The following GPD2 variants were observed in gnomAD, a reference collection of about 807,000 sequenced individuals.
The protein encoded by GPD2 is glycerol-3-phosphate dehydrogenase, mitochondrial.
Under a neutral mutation model 82.4 loss-of-function variants are expected in GPD2, and 54 were observed. The observed-to-expected ratio is 0.66, with a 90% CI of 0.53 to 0.82. The LOEUF (loss-of-function observed/expected upper bound fraction) is 0.82. Among genes scored for constraint, GPD2 ranks in the 40% least tolerant of loss-of-function variants. The probability of loss-of-function intolerance (pLI) is 0.00; values close to 1 mark genes in which losing one functional copy is unlikely to be tolerated. For missense variants in GPD2, 748 were observed against 896.2 expected (o/e 0.83, Z 2.11); for synonymous variants, 288 against 306.1 (o/e 0.94, Z 0.62).
chr2:156,469,583 T>G (rs554632940), intron 1 of GPD2, among the ~76,000 whole-genome samples: 1 of 152,228 alleles, frequency 6.6e-6, no homozygotes, highest in Non-Finnish European at 1.5e-5. Context: ...CTACTGTGAC[T>G]AGTGCTGCAA....
chr2:156,400,847 C>G, the GPD2 span, among the ~76,000 whole-genome samples: 1 of 152,254 alleles, frequency 6.6e-6, no homozygotes, highest in East Asian at 1.9e-4. Context: ...TCCAAATCAG[C>G]CGACGTTTGC....
chr2:156,492,777 A>G (rs1293967094), intron 2 of GPD2, among the ~76,000 whole-genome samples: 1 of 152,174 alleles, frequency 6.6e-6, no homozygotes, highest in Admixed American at 6.5e-5. Context: ...GTGATTGAGC[A>G]GATATAGGAC....
chr2:156,578,635 A>T (rs993445466), intron 13 of GPD2, among the ~76,000 whole-genome samples: 14 of 152,184 alleles, frequency 9.2e-5, no homozygotes, highest in African/African-American at 3.4e-4. Context: ...GCTAGAGATC[A>T]TGGGAAGGGA....
intron 15 of GPD2, 133 bp downstream of exon 15, chr2:156,579,297 A>C (rs368853656): frequency 1.6e-6 from 1 of 632,392 alleles, no homozygotes; most frequent in Admixed American, 2.9e-5. Context: ...CATTAGTGAA[A>C]GCATATTTAT....
chr2:156,548,969 A>G (rs1686652285), intron 6 of GPD2, among the ~76,000 whole-genome samples: 1 of 152,062 alleles, frequency 6.6e-6, no homozygotes, highest in South Asian at 2.1e-4. Context: ...ATTTTTCAGC[A>G]ATAAATCTTT....
intron 1 of GPD2, among the ~76,000 whole-genome samples, chr2:156,448,320 G>A (rs1682441126): frequency 6.6e-6 from 1 of 152,080 alleles, no homozygotes; most frequent in Non-Finnish European, 1.5e-5. Flanking sequence ...ATCTTGGTCA[G>A]GCTGGTCTTG....
intron 12 of GPD2, among the ~76,000 whole-genome samples, chr2:156,570,880 G>A (rs1687588051): frequency 6.6e-6 from 1 of 152,158 alleles, no homozygotes; most frequent in Non-Finnish European, 1.5e-5. Flanking sequence ...CAATTTGCAT[G>A]TTTATGCCAG....
rs145084510 is a variant in GPD2 at position 156,488,037 on chromosome 2, A to G, written c.103-8007A>G. Among the ~76,000 whole-genome samples the G allele has an allele frequency of 1.7e-4, 26 of 152,344 alleles. No individual in the cohort carries two copies. In the East Asian group the frequency reaches 5.0e-3, roughly 29 times the overall value. ...ACTTAAAATCTGGACAGTACCTTCA[A>G]GGGGAACTAGACCTTCATTCTCAGC... On this transcript the variant is annotated intron_variant, in intron 2 of 16. Transcript: ENST00000438166.
intron 9 of GPD2, 129 bp from the exon 10 acceptor site, chr2:156,568,696 G>C: frequency 1.3e-6 from 1 of 759,894 alleles, no homozygotes. Flanking sequence ...CTCATCTTTA[G>C]GCTTTCTCTC....
chr2:156,401,351 A>C, the GPD2 span, among the ~76,000 whole-genome samples: 1 of 152,260 alleles, frequency 6.6e-6, no homozygotes, highest in Non-Finnish European at 1.5e-5. Context: ...ATAAAAAATT[A>C]GAAAAACATT....
upstream of GPD2, among the ~76,000 whole-genome samples, chr2:156,433,811 A>G (rs143284413): frequency 7.8e-3 from 1,180 of 152,246 alleles, 5 homozygotes; most frequent in Non-Finnish European, 0.012. Context: ...AAACATTTAA[A>G]CATCAGTTAT....
At chr2:156,437,708 CTTTAT>C (rs1682001179) in intron 1 of GPD2, among the ~76,000 whole-genome samples, 1 of 152,164 alleles carries the variant, frequency 6.6e-6, no homozygotes, top group Non-Finnish European at 1.5e-5. Context: ...TATAGAGTCA[CTTTAT>C]TTTATAAAGA....
intron 1 of GPD2, among the ~76,000 whole-genome samples, chr2:156,470,657 G>T (rs1683297884): frequency 6.6e-6 from 1 of 152,212 alleles, no homozygotes; most frequent in South Asian, 2.1e-4. Context: ...CTTGTGCATA[G>T]TTGCCTTGCC....
the GPD2 span, among the ~76,000 whole-genome samples, chr2:156,420,664 A>G: frequency 2.0e-5 from 3 of 152,228 alleles, no homozygotes; most frequent in Non-Finnish European, 4.4e-5. Flanking sequence ...TCATACTTTG[A>G]GCTGTTTAAA....
chr2:156,562,065 G>A (rs1449448311), intron 9 of GPD2, among the ~76,000 whole-genome samples: 2 of 152,214 alleles, frequency 1.3e-5, no homozygotes, highest in Non-Finnish European at 2.9e-5. Flanking sequence ...GTATCATTAA[G>A]TCTGCTGTGT....
Position 156,582,841 on chromosome 2 carries a change from A to T in GPD2, c.2107A>T (p.Ile703Leu). ...KGRVSGSRLA[I>L]LMKTAEENLD... Reference sequence around the variant, plus strand: ...AAGGGTATCTGGAAGCCGGCTTGCTATACTAATGAAAACTGCAGAAGAGAA... The same window carrying T: ...AAGGGTATCTGGAAGCCGGCTTGCTTTACTAATGAAAACTGCAGAAGAGAA... Residue 703 changes from isoleucine (I) to leucine (L), a missense_variant, in exon 17 of 17, where the codon ATA becomes TTA. This residue lies in a region of GPD2 where 46 missense variants were observed against 49.1 expected (regional missense o/e 0.94). Transcript: ENST00000438166. 1 of 1,612,986 alleles carries T rather than the reference A, an allele frequency of 6.2e-7. No homozygotes were observed. The highest frequency in any genetic ancestry group is 8.5e-7 in the Non-Finnish European group (1 of 1,179,094).
At chr2:156,440,141 TTGGAAG>T (rs1368063336) in intron 1 of GPD2, among the ~76,000 whole-genome samples, 1 of 152,146 alleles carries the variant, frequency 6.6e-6, no homozygotes, top group Non-Finnish European at 1.5e-5. Flanking sequence ...AGAAGAAAAC[TTGGAAG>T]TGGTATGTTA....
chr2:156,519,376 A>T (rs1030577163), intron 6 of GPD2, among the ~76,000 whole-genome samples: 1 of 152,206 alleles, frequency 6.6e-6, no homozygotes, highest in African/African-American at 2.4e-5. Flanking sequence ...ATGAAATTTA[A>T]TTGAGGTGGC....
At chr2:156,439,807 A>G (rs1449980289) in intron 1 of GPD2, among the ~76,000 whole-genome samples, 1 of 151,780 alleles carries the variant, frequency 6.6e-6, no homozygotes, top group Non-Finnish European at 1.5e-5. Context: ...AGATTGTGCC[A>G]TTGCACTCCA....
Sources: allele counts gnomAD v4.1 joint callset (sites outside exome capture counted in the v4.1 genomes callset), GRCh38; gene constraint gnomAD v4.1.1; regional missense constraint gnomAD v4.1.1; transcripts MANE v1.5; gene names NCBI Gene and HGNC (gene_info 2026-07-23, HGNC 2026-07-21).